ADH7: variants seen among roughly 807,000 people sequenced by gnomAD.
ADH7 encodes all-trans-retinol dehydrogenase [NAD(+)] ADH7.
ADH7 carries 41 observed loss-of-function variants against 34.4 expected under a neutral mutation model. The observed-to-expected ratio is 1.19, with a 90% CI of 0.93 to 1.55. The LOEUF (loss-of-function observed/expected upper bound fraction) is 1.55. Ranked by LOEUF, ADH7 falls within the 40% of genes most tolerant of loss-of-function variation. ADH7 has a pLI of 0.00. For synonymous variants in ADH7, 180 were observed against 160.9 expected (o/e 1.12, Z -0.90); for missense variants, 540 against 461.2 (o/e 1.17, Z -1.56).
intron 5 of ADH7, among the ~76,000 whole-genome samples, chr4:99,422,279 T>A (rs1054827261): frequency 1.4e-4 from 22 of 152,208 alleles, no homozygotes; most frequent in African/African-American, 2.6e-4. Context: ...ATATACTGGA[T>A]AAAGAAAATG....
chr4:99,422,448 A>G (rs900785520), intron 5 of ADH7, among the ~76,000 whole-genome samples: 1 of 152,216 alleles, frequency 6.6e-6, no homozygotes, highest in African/African-American at 2.4e-5. Flanking sequence ...GTGGGAGTTG[A>G]ACAATGAGAA....
chr4:99,415,325 A>T, intron 8 of ADH7, 153 bp downstream of exon 8: 1 of 817,162 alleles, frequency 1.2e-6, no homozygotes, highest in Non-Finnish European at 2.0e-6. Context: ...AAAATACACT[A>T]ATGCAGTGGG....
Position 99,435,337 on chromosome 4 carries a change from T to C in ADH7, c.-104A>G, listed in dbSNP as rs1722024122. 6.6e-7 allele frequency: 1 copy of C among 1,505,300 alleles called. No homozygotes were observed. Among genetic ancestry groups the C allele is most frequent in the South Asian group, 1.2e-5 (1 of 85,282 alleles). The allele number at this position is 1,505,300 out of a possible 1,614,324, so 93.2% of individuals were successfully genotyped here. On this transcript the variant is annotated 5_prime_UTR_variant, in exon 1 of 9. Coordinates refer to ENST00000437033, the MANE Select transcript of ADH7 (RefSeq NM_000673.7). ...ACAGCAGCTTGTGCCTTCACATAGA[T>C]AGTCTGGCTTCAGAGTTCCACCTTC... is the stretch of plus-strand genomic sequence containing the variant.
intron 3 of ADH7, 68 bp downstream of exon 3, chr4:99,428,424 G>C (rs956179735): frequency 6.5e-7 from 1 of 1,527,788 alleles, no homozygotes; most frequent in African/African-American, 1.4e-5. Flanking sequence ...CCTAGTGTGT[G>C]CTATTTCCTT....
intron 1 of ADH7, chr4:99,434,934 C>T (rs772138720): frequency 1.3e-4 from 151 of 1,166,880 alleles, no homozygotes; most frequent in Non-Finnish European, 1.5e-4. Flanking sequence ...CCCAGCTATC[C>T]GGAAATCAAA....
chr4:99,427,101 C>G (rs1379463506), intron 5 of ADH7, among the ~76,000 whole-genome samples: 1 of 152,062 alleles, frequency 6.6e-6, no homozygotes, highest in African/African-American at 2.4e-5. Flanking sequence ...TCCTTGAACT[C>G]CAATTTACTT....
intron 7 of ADH7, among the ~76,000 whole-genome samples, chr4:99,417,918 C>T (rs1388555957): frequency 6.6e-6 from 1 of 152,170 alleles, no homozygotes; most frequent in Non-Finnish European, 1.5e-5. Flanking sequence ...AAAACCTCAT[C>T]CATACCAACT....
At chr4:99,423,702 T>A (rs1023167092) in intron 5 of ADH7, among the ~76,000 whole-genome samples, 1 of 152,240 alleles carries the variant, frequency 6.6e-6, no homozygotes, top group Non-Finnish European at 1.5e-5. Flanking sequence ...GTTCCTGTCC[T>A]TTGCCCACTT....
chr4:99,434,994 T>C (rs1722014531), intron 1 of ADH7: 2 of 1,429,596 alleles, frequency 1.4e-6, no homozygotes, highest in Non-Finnish European at 1.9e-6. Context: ...CACCAATGTC[T>C]TGCTGACATT....
intron 1 of ADH7, among the ~76,000 whole-genome samples, chr4:99,430,013 C>T (rs1482951123): frequency 2.0e-5 from 3 of 152,172 alleles, no homozygotes; most frequent in African/African-American, 7.2e-5. Context: ...CTTTGTGTAT[C>T]GCTTATTCAC....
chr4:99,419,010 T>A lies in ADH7; in HGVS notation c.937A>T (p.Thr313Ser). ...YDPMLLFTGR[T>S]WKGCVFGGLK... ...CCTCCAAAGACACATCCCTTCCATG[T>A]GCGTCCAGTGAAGAGCAACATCGGG... The change falls in exon 7 of 9, where the codon ACA (threonine) becomes TCA (serine). Residue 313 changes from threonine (T) to serine (S), a missense_variant. Thr to Ser is a moderately conservative substitution (Grantham distance 58, BLOSUM62 1). Transcript: ENST00000437033. The A allele has an allele frequency of 1.2e-6, 2 of 1,613,814 alleles. No homozygotes were observed. Among genetic ancestry groups the A allele is most frequent in the Non-Finnish European group, 1.7e-6 (2 of 1,179,834 alleles).
At chr4:99,416,036 C>T (rs965307852) in intron 7 of ADH7, among the ~76,000 whole-genome samples, 1 of 151,978 alleles carries the variant, frequency 6.6e-6, no homozygotes, top group African/African-American at 2.4e-5. Context: ...GGGCTTAAAA[C>T]CTAGATGATG....
chr4:99,420,556 C>T lies in ADH7; in HGVS notation c.802G>A (p.Val268Ile), dbSNP rs1233602978. 6.2e-7 allele frequency: 1 copy of T among 1,613,848 alleles called. No homozygotes were observed. The highest frequency in any genetic ancestry group is 1.1e-5 in the South Asian group (1 of 91,066). Reference sequence around the variant, plus strand: ...ACCATGGTTTCAAGATGCCCAATAACTTCAAAGGTGTATCCCACGTTGTTG... The same window carrying T: ...ACCATGGTTTCAAGATGCCCAATAATTTCAAAGGTGTATCCCACGTTGTTG... Reference protein sequence around the residue: ...TGNNVGYTFEVIGHLETMIDA... With the variant: ...TGNNVGYTFEIIGHLETMIDA... The change falls in exon 6 of 9, where the codon GTT (valine) becomes ATT (isoleucine). Residue 268 changes from valine (V) to isoleucine (I), a missense_variant. Coordinates refer to ENST00000437033, the MANE Select transcript of ADH7 (RefSeq NM_000673.7).
intron 1 of ADH7, among the ~76,000 whole-genome samples, chr4:99,431,846 G>C (rs1032193024): frequency 4.6e-5 from 7 of 152,176 alleles, no homozygotes; most frequent in African/African-American, 1.7e-4. Context: ...AGCGAAAAGG[G>C]AATACTTATG....
At chr4:99,416,141 AAAATT>A (rs1560559610) in intron 7 of ADH7, among the ~76,000 whole-genome samples, 1 of 152,154 alleles carries the variant, frequency 6.6e-6, no homozygotes, top group Non-Finnish European at 1.5e-5. Flanking sequence ...AAGTAAAATA[AAAATT>A]AAATTAAATT....
chr4:99,416,852 T>C (rs1481365418), intron 7 of ADH7, among the ~76,000 whole-genome samples: 34 of 152,288 alleles, frequency 2.2e-4, no homozygotes. Context: ...TCCTGGTTTC[T>C]ACCACTTCCA....
Position 99,412,734 on chromosome 4 carries a change from T to C in ADH7, c.*414A>G, listed in dbSNP as rs1469629361. ...TAAAAAATACATTTATATTCAAATC[T>C]AAAAAATAATAGTTTCAATGTGTTA... is the stretch of plus-strand genomic sequence containing the variant. On this transcript the variant is annotated 3_prime_UTR_variant, in exon 9 of 9. Coordinates refer to ENST00000437033, the MANE Select transcript of ADH7 (RefSeq NM_000673.7). 1 of 155,034 alleles carries C rather than the reference T, an allele frequency of 6.5e-6. No individual in the cohort carries two copies. The highest frequency in any genetic ancestry group is 1.9e-4 in the East Asian group (1 of 5,374). The allele number at this position is 155,034 out of a possible 1,614,324, so 9.6% of individuals were successfully genotyped here. A position where few individuals can be genotyped will look rare whatever the true frequency, so the allele number is the denominator to read the frequency against.
intron 6 of ADH7, among the ~76,000 whole-genome samples, chr4:99,419,832 C>T (rs914867839): frequency 9.9e-5 from 15 of 152,150 alleles, no homozygotes; most frequent in African/African-American, 3.6e-4. Context: ...AAATTAAGGA[C>T]TATTTATTCT....
chr4:99,429,406 T>G lies in ADH7; in HGVS notation c.120+126A>C, dbSNP rs1579580179. The G allele has an allele frequency of 9.6e-6, 6 of 624,870 alleles. No individual in the cohort carries two copies. In the East Asian group the frequency reaches 1.7e-4, roughly 17 times the overall value. The allele number at this position is 624,870 out of a possible 1,614,324, so 38.7% of individuals were successfully genotyped here. A position where few individuals can be genotyped will look rare whatever the true frequency, so the allele number is the denominator to read the frequency against. ...ATCCTTAACAATATATAAGAGCCAGTAAAGGAATTAATACTCCAAACATGG... is the reference window on the plus strand; with the variant it reads ...ATCCTTAACAATATATAAGAGCCAGGAAAGGAATTAATACTCCAAACATGG... On this transcript the variant is annotated intron_variant, in intron 2 of 8. Coordinates refer to ENST00000437033, the MANE Select transcript of ADH7 (RefSeq NM_000673.7).
Sources: allele counts gnomAD v4.1 joint callset (sites outside exome capture counted in the v4.1 genomes callset), GRCh38; gene constraint gnomAD v4.1.1; transcripts MANE v1.5; gene names NCBI Gene and HGNC (gene_info 2026-07-23, HGNC 2026-07-21).